The following DSCAML1 variants were observed in gnomAD, a reference collection of about 807,000 sequenced individuals.
DSCAML1 encodes DS cell adhesion molecule like 1.
Under a neutral mutation model 200.5 loss-of-function variants are expected in DSCAML1, and 38 were observed. The ratio of observed to expected loss-of-function variants is 0.19; its 90% CI spans 0.15 to 0.25. The LOEUF (loss-of-function observed/expected upper bound fraction) is 0.25. DSCAML1 is among the 10% of genes least tolerant of loss of function. The probability of loss-of-function intolerance (pLI) is 1.00; values close to 1 mark genes in which losing one functional copy is unlikely to be tolerated. For missense variants in DSCAML1, 2,223 were observed against 2,858.8 expected (o/e 0.78, Z 5.07); for synonymous variants, 1,215 against 1,165.0 (o/e 1.04, Z -0.87).
Position 117,480,500 on chromosome 11 carries a change from G to T in DSCAML1, c.2728C>A (p.Arg910=), listed in dbSNP as rs1309836041. 1 of 1,609,198 alleles carries T rather than the reference G, an allele frequency of 6.2e-7. No individual in the cohort carries two copies. The highest frequency in any genetic ancestry group is 8.5e-7 in the Non-Finnish European group (1 of 1,177,836). The change falls in exon 14 of 33, where the codon CGA becomes AGA. Residue 910 remains arginine (R), a synonymous_variant. Coordinates refer to ENST00000651296, the MANE Select transcript of DSCAML1 (RefSeq NM_020693.4). This position sits in a 1 kb window ranked among gnomAD's most constrained non-coding sequence, Gnocchi z 4.1. ...ARSMNLRWTQ[R]FDGNSIITGF... is the part of the protein sequence containing the mutation. ...GTGATGATGCTGTTCCCGTCGAATC[G>T]CTGGGTCCAGCGCAGGTTCATGCTC...
At position 117,610,847 on chromosome 11, in the gene DSCAML1, C is replaced by G. The variant is rs111317075; in HGVS notation, c.512-78325G>C. On this transcript the variant is annotated intron_variant, in intron 3 of 32. Coordinates refer to ENST00000651296, the MANE Select transcript of DSCAML1 (RefSeq NM_020693.4). Reference sequence around the variant, plus strand: ...CTAAACCAAACCAAAACAACCCCCCCCCCCCACAATGTGTTCGTAGACTTC... The same window carrying G: ...CTAAACCAAACCAAAACAACCCCCCGCCCCCACAATGTGTTCGTAGACTTC... Among the ~76,000 whole-genome samples, 12 of 147,648 alleles carry G rather than the reference C, an allele frequency of 8.1e-5. 1 individual carries two copies. The highest frequency in any genetic ancestry group is 3.5e-3 in the Middle Eastern group (1 of 286).
chr11:117,810,402 C>G (rs968830379), intron 1 of DSCAML1, among the ~76,000 whole-genome samples: 1 of 152,104 alleles, frequency 6.6e-6, no homozygotes, highest in Admixed American at 6.5e-5. Flanking sequence ...GTGTCCCAAT[C>G]CCTTATTTCC....
intron 3 of DSCAML1, among the ~76,000 whole-genome samples, chr11:117,736,062 C>T (rs2054310017): frequency 6.6e-6 from 1 of 152,214 alleles, no homozygotes; most frequent in African/African-American, 2.4e-5. Flanking sequence ...TCATTATCTA[C>T]TGCTGCAAAA....
chr11:117,554,949 C>T (rs1240629719), intron 3 of DSCAML1, among the ~76,000 whole-genome samples: 1 of 152,230 alleles, frequency 6.6e-6, no homozygotes, highest in Non-Finnish European at 1.5e-5. Flanking sequence ...TCCCCTCTGA[C>T]TGCTTCCACG....
At chr11:117,709,785 C>T (rs1365742013) in intron 3 of DSCAML1, 12 of 454,158 alleles carry the variant, frequency 2.6e-5, no homozygotes, top group Admixed American at 4.7e-5. Context: ...CCCTAAGGAG[C>T]GGCTGTGAAA....
At chr11:117,617,443 G>A (rs926735534) in intron 3 of DSCAML1, among the ~76,000 whole-genome samples, 5 of 151,718 alleles carry the variant, frequency 3.3e-5, no homozygotes, top group Admixed American at 6.6e-5. Flanking sequence ...ACGCTGACTC[G>A]GTCTCTCAAA....
chr11:117,558,064 G>A (rs757605660), intron 3 of DSCAML1, among the ~76,000 whole-genome samples: 2 of 152,148 alleles, frequency 1.3e-5, no homozygotes, highest in Non-Finnish European at 2.9e-5. Flanking sequence ...GAACCCTGGT[G>A]GCAGGATCAG....
intron 3 of DSCAML1, among the ~76,000 whole-genome samples, chr11:117,729,519 A>G (rs1156680951): frequency 6.6e-6 from 1 of 152,206 alleles, no homozygotes; most frequent in Non-Finnish European, 1.5e-5. Flanking sequence ...TTTGTAGAGC[A>G]TATATCTGAT....
At chr11:117,769,520 T>TTTATATATTTTATATATATA (rs1565274271) in intron 3 of DSCAML1, among the ~76,000 whole-genome samples, 11 of 58,590 alleles carry the variant, frequency 1.9e-4, no homozygotes, top group African/African-American at 8.0e-4. Flanking sequence ...TTATATATAT[T>TTTATATATTTTATATATATA]ATATATATTT....
chr11:117,612,055 A>G (rs2051705814), intron 3 of DSCAML1: 2 of 152,270 alleles, frequency 1.3e-5, no homozygotes, highest in Admixed American at 1.3e-4. Flanking sequence ...CGTGTTGGAG[A>G]GCAGGAAGCC....
intron 1 of DSCAML1, among the ~76,000 whole-genome samples, chr11:117,813,370 G>T (rs925530886): frequency 3.3e-5 from 5 of 152,038 alleles, no homozygotes; most frequent in Non-Finnish European, 7.4e-5. Context: ...CCTATTCACC[G>T]TTCTCAACTA....
rs1280703759 is a variant in DSCAML1 at position 117,469,219 on chromosome 11, A to C, written c.3024+691T>G. Among the ~76,000 whole-genome samples the C allele has an allele frequency of 6.6e-6, 1 of 152,158 alleles. No homozygotes were observed. On this transcript the variant is annotated intron_variant, in intron 16 of 32. Transcript: ENST00000651296. The surrounding 1 kb of genome is among the most constrained non-coding windows in gnomAD (Gnocchi z 4.1). Reference sequence around the variant, plus strand: ...GAGGAGAGGGTCAGATGAGTTGGTAAAGAGAAAGCACTTGGAGACTGGAGG... The same window carrying C: ...GAGGAGAGGGTCAGATGAGTTGGTACAGAGAAAGCACTTGGAGACTGGAGG...
chr11:117,596,019 T>A (rs907461229), intron 3 of DSCAML1, among the ~76,000 whole-genome samples: 1 of 152,184 alleles, frequency 6.6e-6, no homozygotes. Context: ...ACATTCAGCA[T>A]CAATAACTGC....
At chr11:117,457,630 AG>A (rs1166324707) in intron 19 of DSCAML1, among the ~76,000 whole-genome samples, 6 of 152,158 alleles carry the variant, frequency 3.9e-5, no homozygotes, top group African/African-American at 1.4e-4. Flanking sequence ...CAGAGCTTAA[AG>A]GGAGAGGGGG....
chr11:117,582,332 G>T (rs1226300132), intron 3 of DSCAML1, among the ~76,000 whole-genome samples: 1 of 152,130 alleles, frequency 6.6e-6, no homozygotes, highest in African/African-American at 2.4e-5. Flanking sequence ...GGGAAGGCAG[G>T]CTTGGATACC....
chr11:117,488,258 G>A (rs2049116750), intron 11 of DSCAML1, among the ~76,000 whole-genome samples: 1 of 152,174 alleles, frequency 6.6e-6, no homozygotes, highest in Non-Finnish European at 1.5e-5. Context: ...CTGCTGTACT[G>A]CTGGGCTTAA....
chr11:117,622,202 C>A (rs559152712), intron 3 of DSCAML1, among the ~76,000 whole-genome samples: 1 of 152,112 alleles, frequency 6.6e-6, no homozygotes, highest in African/African-American at 2.4e-5. Flanking sequence ...TTGTCCATCC[C>A]AAAGGGCTGG....
intron 30 of DSCAML1, 90 bp from the exon 31 acceptor site, chr11:117,431,818 C>T: frequency 6.9e-6 from 9 of 1,311,462 alleles, no homozygotes; most frequent in Non-Finnish European, 9.3e-6. Context: ...CAGGGGGGAG[C>T]AAGGGAAGAG....
At chr11:117,561,569 C>T (rs2050664030) in intron 3 of DSCAML1, among the ~76,000 whole-genome samples, 1 of 152,182 alleles carries the variant, frequency 6.6e-6, no homozygotes, top group African/African-American at 2.4e-5. Flanking sequence ...CTATAGCGCC[C>T]CTTGTTCTCC....
Sources: gnomAD v4.1 joint callset for allele counts (sites outside exome capture counted in the v4.1 genomes callset) on GRCh38, gnomAD v4.1.1 for gene constraint, Gnocchi (gnomAD v3.1) non-coding constraint, MANE v1.5 for transcripts, NCBI Gene and HGNC (gene_info 2026-07-23, HGNC 2026-07-21) for gene names.